Variants in SYNE2 observed in about 807,000 individuals in gnomAD.
SYNE2 encodes spectrin repeat containing nuclear envelope protein 2, also known as nesprin-2.
In SYNE2, 431 loss-of-function variants were observed where a neutral mutation model predicts 856.3. The ratio of observed to expected loss-of-function variants is 0.50; its 90% CI spans 0.47 to 0.55. SYNE2 has a LOEUF of 0.55. Ranked by LOEUF, SYNE2 falls within the 20% of genes least tolerant of loss-of-function variation. The probability of loss-of-function intolerance (pLI) is 0.00; values close to 1 mark genes in which losing one functional copy is unlikely to be tolerated. For synonymous variants in SYNE2, 2,923 were observed against 2,872.3 expected (o/e 1.02, Z -0.56); for missense variants, 8,129 against 8,023.2 (o/e 1.01, Z -0.50).
chr14:64,032,811 A>G (rs8009918), intron 45 of SYNE2, among the ~76,000 whole-genome samples: 5,683 of 152,264 alleles, frequency 0.037, 364 homozygotes, highest in African/African-American at 0.13. Context: ...GAGGATTAAG[A>G]GATCAGTGAG....
intron 1 of SYNE2, among the ~76,000 whole-genome samples, chr14:63,841,034 A>AC (rs775564523): frequency 3.3e-5 from 5 of 152,054 alleles, no homozygotes; most frequent in Non-Finnish European, 7.4e-5. Flanking sequence ...ACAAAACAAA[A>AC]CAAAACAAAA....
chr14:64,152,448 T>C, intron 84 of SYNE2, 116 bp from the exon 85 acceptor site: 1 of 990,656 alleles, frequency 1.0e-6, no homozygotes, highest in Non-Finnish European at 1.5e-6. Flanking sequence ...GTAATGCTAT[T>C]TAATTATATA....
chr14:64,182,977 C>T (rs1394272885), intron 96 of SYNE2, among the ~76,000 whole-genome samples: 3 of 151,028 alleles, frequency 2.0e-5, no homozygotes, highest in Non-Finnish European at 1.5e-5. Context: ...AGAGGCGCCC[C>T]CCACCTCCCT....
At chr14:63,799,883 A>T (rs1363288406) in intron 1 of SYNE2, among the ~76,000 whole-genome samples, 1 of 152,130 alleles carries the variant, frequency 6.6e-6, no homozygotes, top group African/African-American at 2.4e-5. Flanking sequence ...CTTTCGCTCT[A>T]ATAGAAGATA....
chr14:64,032,537 C>T lies in SYNE2; in HGVS notation c.7221+1180C>T, dbSNP rs550808127. On this transcript the variant is annotated intron_variant, in intron 45 of 115. Transcript: ENST00000555002. ...TGATTGCACCACTGTACTCCACCCT[C>T]GGCGACAGAGTGAGACCCTATCTCT... Among the ~76,000 whole-genome samples, 138 of 151,992 alleles carry T rather than the reference C, an allele frequency of 9.1e-4. 1 individual carries two copies. Among genetic ancestry groups the T allele is most frequent in the African/African-American group, 3.2e-3 (131 of 41,372 alleles).
chr14:63,858,489 T>A (rs1347597076), intron 1 of SYNE2, among the ~76,000 whole-genome samples: 1 of 151,736 alleles, frequency 6.6e-6, no homozygotes, highest in East Asian at 1.9e-4. Flanking sequence ...TGATCTCAGC[T>A]CACTGCAACC....
chr14:63,964,789 G>T (rs571721341), intron 10 of SYNE2, among the ~76,000 whole-genome samples: 2 of 152,146 alleles, frequency 1.3e-5, no homozygotes, highest in Non-Finnish European at 2.9e-5. Context: ...CTCCCAAAGT[G>T]CTGGGATTAC....
intron 60 of SYNE2, among the ~76,000 whole-genome samples, chr14:64,092,274 A>G (rs1002134629): frequency 1.6e-4 from 24 of 152,196 alleles, no homozygotes; most frequent in African/African-American, 5.8e-4. Context: ...TTAGGTATCA[A>G]ACTATGCTGC....
chr14:64,144,123 A>C (rs1310847102), intron 83 of SYNE2, among the ~76,000 whole-genome samples, 175 bp downstream of exon 83: 2 of 152,232 alleles, frequency 1.3e-5, no homozygotes, highest in African/African-American at 4.8e-5. Context: ...CTATAAGAGA[A>C]TATAAAAATA....
chr14:63,999,395 G>A (rs999252351), intron 27 of SYNE2, among the ~76,000 whole-genome samples: 1 of 152,154 alleles, frequency 6.6e-6, no homozygotes, highest in Admixed American at 6.5e-5. Context: ...CTGCTCCTGG[G>A]TTGCTCCAAA....
In SYNE2 at chr14:64,126,618, G is replaced by T. The variant is rs1412090456; in HGVS notation, c.13728G>T (p.Lys4576Asn). ...TCCAGACGCTGGCTCTTGAGTTGAA[G>T]AAACTTTATTTAGCGCTAAGTGACA... ...VHYETLALEL[K>N]KLYLALSDKK... Residue 4576 changes from lysine to asparagine, a missense_variant, in exon 73 of 116, where the codon AAG becomes AAT. Coordinates refer to ENST00000555002, the MANE Select transcript of SYNE2 (RefSeq NM_182914.3). 1 of 1,614,196 alleles carries T rather than the reference G, an allele frequency of 6.2e-7. No homozygotes were observed. The highest frequency in any genetic ancestry group is 8.5e-7 in the Non-Finnish European group (1 of 1,180,034).
chr14:64,098,113 T>C lies in SYNE2; in HGVS notation c.12273T>C (p.Gly4091=), dbSNP rs1595499667. ...DRLPAVTSEE[G]GVAERDASER... ...TGCCAGCTGTAACATCAGAGGAAGGTGGAGTGGCAGAGAGGGATGCTTCTG... is the reference window on the plus strand; with the variant it reads ...TGCCAGCTGTAACATCAGAGGAAGGCGGAGTGGCAGAGAGGGATGCTTCTG... Residue 4091 remains glycine, a synonymous_variant, in exon 62 of 116, where the codon GGT becomes GGC. Transcript: ENST00000555002. The C allele has an allele frequency of 6.2e-7, 1 of 1,613,840 alleles. No individual in the cohort carries two copies. Among genetic ancestry groups the C allele is most frequent in the Non-Finnish European group, 8.5e-7 (1 of 1,179,918 alleles).
chr14:63,814,903 C>CATATATATCCAT (rs1566584435), intron 1 of SYNE2, among the ~76,000 whole-genome samples: 13 of 55,570 alleles, frequency 2.3e-4, no homozygotes, highest in African/African-American at 6.6e-4. Context: ...TATATATATC[C>CATATATATCCAT]ATATATATCC....
intron 2 of SYNE2, among the ~76,000 whole-genome samples, chr14:63,917,324 C>G (rs1422480694): frequency 6.6e-6 from 1 of 152,160 alleles, no homozygotes; most frequent in African/African-American, 2.4e-5. Flanking sequence ...AGAAAGCAAT[C>G]AAGCTATAGT....
At chr14:64,211,885 C>T (rs541768919) in intron 103 of SYNE2, 76 bp from the exon 104 acceptor site, 18 of 1,607,026 alleles carry the variant, frequency 1.1e-5, no homozygotes, top group South Asian at 6.6e-5. Flanking sequence ...TTCTTGTGGC[C>T]GAAGGTGGCC....
At chr14:64,219,473 T>C (rs1005448886) in intron 110 of SYNE2, 63 bp downstream of exon 110, 2 of 1,538,132 alleles carry the variant, frequency 1.3e-6, no homozygotes, top group Non-Finnish European at 9.0e-7. Context: ...ATTGCTATGC[T>C]GGACGAGCAG....
chr14:63,964,931 A>G (rs1224504994), intron 10 of SYNE2, among the ~76,000 whole-genome samples: 3 of 151,858 alleles, frequency 2.0e-5, no homozygotes, highest in African/African-American at 7.3e-5. Context: ...AAATAATGAC[A>G]ACTGTGATTA....
Position 63,982,721 on chromosome 14 carries a change from T to A in SYNE2, c.1928T>A (p.Val643Asp). Reference sequence around the variant, plus strand: ...TTAGTCGAAGTCAGCAATGATGTGGTTGGATCATCTATTTCTAAAGAACTG... The same window carrying A: ...TTAGTCGAAGTCAGCAATGATGTGGATGGATCATCTATTTCTAAAGAACTG... ...NFLVEVSNDVVGSSISKELRR... is the reference protein window; with the variant it reads ...NFLVEVSNDVDGSSISKELRR... The change falls in exon 17 of 116, where the codon GTT (valine) becomes GAT (aspartate). Residue 643 changes from valine (V) to aspartate (D), a missense_variant. Physicochemically the swap from Val to Asp is radical, Grantham distance 152. This residue lies in a region of SYNE2 where 2,422 missense variants were observed against 2,357.4 expected (regional missense o/e 1.03). Transcript: ENST00000555002. The A allele has an allele frequency of 6.2e-7, 1 of 1,614,022 alleles. No homozygotes were observed. Among genetic ancestry groups the A allele is most frequent in the South Asian group, 1.1e-5 (1 of 91,078 alleles).
chr14:64,073,185 G>T (rs1026289576), intron 52 of SYNE2, among the ~76,000 whole-genome samples: 1 of 152,130 alleles, frequency 6.6e-6, no homozygotes, highest in African/African-American at 2.4e-5. Context: ...AGAGGTTGGG[G>T]GTGTGTGTTG....
Sources: gnomAD v4.1 joint callset for allele counts (sites outside exome capture counted in the v4.1 genomes callset) on GRCh38, gnomAD v4.1.1 for gene constraint, gnomAD v4.1.1 regional missense constraint, MANE v1.5 for transcripts, NCBI Gene and HGNC (gene_info 2026-07-23, HGNC 2026-07-21) for gene names.